The following PDE10A variants were observed in gnomAD, a reference collection of about 807,000 sequenced individuals.
PDE10A encodes cAMP and cAMP-inhibited cGMP 3',5'-cyclic phosphodiesterase 10A.
PDE10A carries 39 observed loss-of-function variants against 97.7 expected under a neutral mutation model. The observed-to-expected ratio is 0.40, with a 90% CI of 0.31 to 0.52. PDE10A has a LOEUF of 0.52. Ranked by LOEUF, PDE10A falls within the 20% of genes least tolerant of loss-of-function variation. PDE10A has a pLI of 0.56. For synonymous variants in PDE10A, 371 were observed against 376.8 expected (o/e 0.98, Z 0.18); for missense variants, 731 against 1,047.8 (o/e 0.70, Z 4.17).
At chr6:165,387,445 C>T (rs1213135365) in intron 17 of PDE10A, among the ~76,000 whole-genome samples, 1 of 152,212 alleles carries the variant, frequency 6.6e-6, no homozygotes, top group African/African-American at 2.4e-5. Flanking sequence ...AAAAAAAAAT[C>T]CTGGCATTTA....
intron 1 of PDE10A, chr6:165,986,121 G>A: frequency 6.5e-6 from 1 of 152,984 alleles, no homozygotes; most frequent in Non-Finnish European, 1.5e-5. Flanking sequence ...GCTCCTCGCT[G>A]CTGTCCCCAA....
chr6:165,423,465 C>A (rs970750790), intron 10 of PDE10A, among the ~76,000 whole-genome samples: 1 of 152,150 alleles, frequency 6.6e-6, no homozygotes, highest in Non-Finnish European at 1.5e-5. Context: ...TGCAGGTCTG[C>A]GGTGCCCAGG....
chr6:165,678,885 T>A (rs879652448), intron 1 of PDE10A, among the ~76,000 whole-genome samples: 19 of 152,246 alleles, frequency 1.2e-4, no homozygotes, highest in Admixed American at 1.2e-3. Flanking sequence ...ATCTCTGCTC[T>A]CTTTGCTTCT....
chr6:165,765,770 G>A (rs1354567912), intron 1 of PDE10A, among the ~76,000 whole-genome samples: 2 of 152,236 alleles, frequency 1.3e-5, no homozygotes, highest in Non-Finnish European at 2.9e-5. Flanking sequence ...CTCAAGTGCC[G>A]CCAAAGTGGG....
At chr6:165,591,365 C>T (rs1786257594) in intron 1 of PDE10A, among the ~76,000 whole-genome samples, 1 of 152,198 alleles carries the variant, frequency 6.6e-6, no homozygotes, top group Non-Finnish European at 1.5e-5. Context: ...GGTATAAGTT[C>T]TGCACTTGGA....
intron 1 of PDE10A, among the ~76,000 whole-genome samples, chr6:165,817,291 G>T (rs935237640): frequency 6.6e-6 from 1 of 152,058 alleles, no homozygotes; most frequent in African/African-American, 2.4e-5. Context: ...AAACATCCTG[G>T]GAAAGACATT....
rs374168479 is a variant in PDE10A at position 165,598,748 on chromosome 6, GA to G, written c.866-55181del. ...GTAGAATCACAAACTAATTTTCAAA[GA>G]AAAAAATCCATTACTCTTATAAATT... is the stretch of plus-strand genomic sequence containing the variant. On this transcript the variant is annotated intron_variant, in intron 1 of 21. Coordinates refer to ENST00000539869, the MANE Select transcript of PDE10A (RefSeq NM_001385079.1). Among the ~76,000 whole-genome samples, 364 of 152,006 alleles carry G rather than the reference GA, an allele frequency of 2.4e-3. 3 individuals are homozygous for G. The highest frequency in any genetic ancestry group is 8.5e-3 in the African/African-American group (353 of 41,484).
chr6:165,948,707 G>A (rs1783858298), intron 1 of PDE10A: 2 of 152,442 alleles, frequency 1.3e-5, no homozygotes, highest in Non-Finnish European at 2.9e-5. Flanking sequence ...GACAGTCTAA[G>A]CCAGGGGCCA....
intron 1 of PDE10A, among the ~76,000 whole-genome samples, chr6:165,599,175 T>C (rs1562617364): frequency 1.3e-5 from 2 of 152,368 alleles, no homozygotes; most frequent in East Asian, 1.9e-4. Flanking sequence ...CTACTGTGAC[T>C]GCCAGCATTT....
At chr6:165,440,591 G>C (rs1187510520) in intron 5 of PDE10A, among the ~76,000 whole-genome samples, 1 of 152,150 alleles carries the variant, frequency 6.6e-6, no homozygotes, top group African/African-American at 2.4e-5. Flanking sequence ...AACTCGGACA[G>C]TCATTACCCA....
At chr6:165,691,217 A>C (rs1367480237) in intron 1 of PDE10A, among the ~76,000 whole-genome samples, 76 of 137,182 alleles carry the variant, frequency 5.5e-4, no homozygotes, top group African/African-American at 2.4e-3. Context: ...ACACACACAC[A>C]CACACACACA....
intron 1 of PDE10A, among the ~76,000 whole-genome samples, chr6:165,574,659 G>C (rs140683434): frequency 2.6e-5 from 4 of 152,164 alleles, no homozygotes; most frequent in Non-Finnish European, 5.9e-5. Flanking sequence ...ACAAAAATAA[G>C]AGTTTTACTT....
intron 1 of PDE10A, among the ~76,000 whole-genome samples, chr6:165,626,882 T>A (rs1188047204): frequency 6.6e-6 from 1 of 152,204 alleles, no homozygotes; most frequent in Non-Finnish European, 1.5e-5. Context: ...TTCTGGGTCC[T>A]TCTGGACCTA....
intron 1 of PDE10A, among the ~76,000 whole-genome samples, chr6:165,956,953 G>C (rs1463873887): frequency 6.6e-6 from 1 of 152,158 alleles, no homozygotes. Flanking sequence ...GCCAGCCCAG[G>C]GGTTGATGGA....
At chr6:165,839,896 T>TC (rs1562762551) in intron 1 of PDE10A, among the ~76,000 whole-genome samples, 6 of 151,366 alleles carry the variant, frequency 4.0e-5, no homozygotes, top group Admixed American at 6.6e-5. Context: ...TCCATCCCCA[T>TC]TCCCATCTCC....
chr6:165,525,641 A>G (rs1264545689), intron 2 of PDE10A, among the ~76,000 whole-genome samples: 1 of 152,192 alleles, frequency 6.6e-6, no homozygotes, highest in African/African-American at 2.4e-5. Flanking sequence ...TCTTCTCTGT[A>G]CATCAAATCT....
intron 21 of PDE10A, among the ~76,000 whole-genome samples, chr6:165,335,151 C>T (rs960242058): frequency 1.3e-5 from 2 of 152,188 alleles, no homozygotes; most frequent in Non-Finnish European, 2.9e-5. Flanking sequence ...ATCCAAGGTT[C>T]TTAACCGAGT....
rs1290053653 is a variant in PDE10A, at chr6:165,819,158, C to T, written c.-615+168371G>A. On this transcript the variant is annotated intron_variant, in intron 1 of 19. Transcript: ENST00000366882. This position sits in a 1 kb window ranked among gnomAD's most constrained non-coding sequence, Gnocchi z 4.2. ...AACCAGTTTTCAAAACCGAGTTCAT[C>T]TCTGCACCTGCTCCCTCATCTGCTC... Among the ~76,000 whole-genome samples, 1 of 152,148 alleles carries T rather than the reference C, an allele frequency of 6.6e-6. No homozygotes were observed. Among genetic ancestry groups the T allele is most frequent in the Non-Finnish European group, 1.5e-5 (1 of 68,028 alleles).
chr6:165,653,494 C>T (rs3008052), intron 1 of PDE10A, among the ~76,000 whole-genome samples: 40,244 of 152,146 alleles, frequency 0.26, 5,655 homozygotes, highest in Middle Eastern at 0.42. Context: ...ACCAGCCATG[C>T]GCTGAATCAC....
Sources: gnomAD v4.1 joint callset for allele counts (sites outside exome capture counted in the v4.1 genomes callset) on GRCh38, gnomAD v4.1.1 for gene constraint, Gnocchi (gnomAD v3.1) non-coding constraint, MANE v1.5 for transcripts, NCBI Gene and HGNC (gene_info 2026-07-23, HGNC 2026-07-21) for gene names.